PTPRN2: variants seen among roughly 807,000 people sequenced by gnomAD.
The protein encoded by PTPRN2 is protein tyrosine phosphatase receptor type N2.
Under a neutral mutation model 118.8 loss-of-function variants are expected in PTPRN2, and 74 were observed. The ratio of observed to expected loss-of-function variants is 0.62; its 90% CI spans 0.52 to 0.76. The LOEUF (loss-of-function observed/expected upper bound fraction) is 0.76. Ranked by LOEUF, PTPRN2 falls within the 30% of genes least tolerant of loss-of-function variation. The pLI is 0.00. For missense variants in PTPRN2, 1,481 were observed against 1,394.4 expected (o/e 1.06, Z -0.99); for synonymous variants, 641 against 608.0 (o/e 1.05, Z -0.80).
At chr7:158,135,670 C>T (rs901277608) in intron 8 of PTPRN2, among the ~76,000 whole-genome samples, 1 of 152,202 alleles carries the variant, frequency 6.6e-6, no homozygotes, top group African/African-American at 2.4e-5. Flanking sequence ...GTCTCCCCGA[C>T]TCCCTAAATT....
At chr7:158,408,918 C>A (rs934797770) in intron 2 of PTPRN2, among the ~76,000 whole-genome samples, 1 of 151,856 alleles carries the variant, frequency 6.6e-6, no homozygotes, top group East Asian at 1.9e-4. Context: ...AACTCTGTTA[C>A]CACAAACATG....
chr7:157,912,623 T>C (rs1026819438), intron 11 of PTPRN2, among the ~76,000 whole-genome samples: 4 of 152,228 alleles, frequency 2.6e-5, no homozygotes, highest in Admixed American at 1.3e-4. Context: ...GTTTTTTTCC[T>C]AAAAGATTTT....
At chr7:158,206,569 G>C (rs999873826) in intron 3 of PTPRN2, among the ~76,000 whole-genome samples, 4 of 152,096 alleles carry the variant, frequency 2.6e-5, no homozygotes, top group East Asian at 1.9e-4. Flanking sequence ...CTCGGGGAGG[G>C]GGGGAGAGAG....
chr7:158,443,271 C>T (rs1279812314), intron 2 of PTPRN2, among the ~76,000 whole-genome samples: 2 of 152,224 alleles, frequency 1.3e-5, no homozygotes, highest in Non-Finnish European at 2.9e-5. Context: ...TCCAGGGCAG[C>T]GCCAGGCATG....
Position 158,003,136 on chromosome 7 carries a change from C to T in PTPRN2, c.1723+78162G>A, listed in dbSNP as rs1014714842. On this transcript the variant is annotated intron_variant, in intron 11 of 22. Coordinates refer to ENST00000389418, the MANE Select transcript of PTPRN2 (RefSeq NM_002847.5). The surrounding 1 kb of genome is among the most constrained non-coding windows in gnomAD (Gnocchi z 5.0). ...GCCTCTAAAGAGGTAAAGGTAAGGC[C>T]GGGCGCGGTGGCTCACGCCTGTAAT... 3.3e-5 allele frequency among the ~76,000 whole-genome samples: 5 copies of T among 152,106 alleles called. No individual in the cohort carries two copies. The highest frequency in any genetic ancestry group is 1.9e-4 in the East Asian group (1 of 5,186).
intron 3 of PTPRN2, among the ~76,000 whole-genome samples, chr7:158,244,695 GTGTGTGTGGT>G (rs1446627780): frequency 2.4e-5 from 3 of 126,156 alleles, no homozygotes; most frequent in Non-Finnish European, 4.9e-5. Context: ...TAAGTTGTGA[GTGTGTGTGGT>G]TGTGAGTTGT....
chr7:158,296,732 CCT>C (rs1282386074), intron 3 of PTPRN2, among the ~76,000 whole-genome samples: 1 of 152,206 alleles, frequency 6.6e-6, no homozygotes, highest in African/African-American at 2.4e-5. Context: ...CATCGCACGC[CCT>C]GTGAGGGGAA....
At chr7:158,373,802 G>A (rs1810284523) in intron 2 of PTPRN2, among the ~76,000 whole-genome samples, 1 of 152,202 alleles carries the variant, frequency 6.6e-6, no homozygotes, top group Non-Finnish European at 1.5e-5. Context: ...CTGCAGGCCA[G>A]GAAAGGGAGA....
rs1270740023 is a variant in PTPRN2 at position 157,690,197 on chromosome 7, C to T, written c.1789-7260G>A. 2.0e-5 allele frequency among the ~76,000 whole-genome samples: 3 copies of T among 152,316 alleles called. No homozygotes were observed. In the South Asian group the frequency reaches 6.2e-4, roughly 32 times the overall value. On this transcript the variant is annotated intron_variant, in intron 12 of 22. Coordinates refer to ENST00000389418, the MANE Select transcript of PTPRN2 (RefSeq NM_002847.5). The surrounding 1 kb of genome is among the most constrained non-coding windows in gnomAD (Gnocchi z 7.1). Reference sequence around the variant, plus strand: ...CAGCTGCCAACCCTCCAAATCTGTGCGCTCAGAAGGAGCTGCCCTTTGCCC... The same window carrying T: ...CAGCTGCCAACCCTCCAAATCTGTGTGCTCAGAAGGAGCTGCCCTTTGCCC...
chr7:158,451,086 C>T (rs1390034785), intron 2 of PTPRN2, among the ~76,000 whole-genome samples: 1 of 152,242 alleles, frequency 6.6e-6, no homozygotes, highest in Admixed American at 6.5e-5. Context: ...GTCTTCATCA[C>T]TCCAATTTAA....
intron 12 of PTPRN2, among the ~76,000 whole-genome samples, chr7:157,853,718 C>T (rs543416119): frequency 4.2e-4 from 64 of 152,298 alleles, no homozygotes; most frequent in Non-Finnish European, 7.8e-4. Context: ...CCCCACTGCC[C>T]GTAGGTCTGA....
chr7:158,178,298 C>T (rs951034951), intron 5 of PTPRN2, among the ~76,000 whole-genome samples: 2 of 152,074 alleles, frequency 1.3e-5, no homozygotes, highest in South Asian at 2.1e-4. Flanking sequence ...CACCCATCAT[C>T]CAAGTAATGC....
At chr7:158,533,732 C>T (rs747699730) in intron 1 of PTPRN2, among the ~76,000 whole-genome samples, 16 of 152,202 alleles carry the variant, frequency 1.1e-4, no homozygotes, top group Admixed American at 2.0e-4. Flanking sequence ...GACATCCTTT[C>T]GCCACCACAC....
At chr7:157,942,282 A>T (rs951127741) in intron 11 of PTPRN2, among the ~76,000 whole-genome samples, 27 of 151,868 alleles carry the variant, frequency 1.8e-4, no homozygotes, top group African/African-American at 6.3e-4. Flanking sequence ...CAAAAGCAGC[A>T]CCTGGCCCCT....
intron 11 of PTPRN2, among the ~76,000 whole-genome samples, chr7:158,026,152 G>A (rs1166003614): frequency 6.6e-6 from 1 of 152,216 alleles, no homozygotes; most frequent in Non-Finnish European, 1.5e-5. Context: ...GGTGAGCTTC[G>A]CATGCTAATG....
intron 3 of PTPRN2, among the ~76,000 whole-genome samples, chr7:158,287,421 T>C (rs1464577030): frequency 6.6e-6 from 1 of 152,154 alleles, no homozygotes; most frequent in African/African-American, 2.4e-5. Flanking sequence ...GTTGTTTATT[T>C]GGATTCTTTC....
At chr7:158,338,566 G>A (rs1428957397) in intron 2 of PTPRN2, among the ~76,000 whole-genome samples, 8 of 115,364 alleles carry the variant, frequency 6.9e-5, no homozygotes, top group East Asian at 5.2e-4. Context: ...GACACCTGCA[G>A]ACGTCACTCA....
At chr7:157,848,989 G>A (rs1162465486) in intron 12 of PTPRN2, among the ~76,000 whole-genome samples, 1 of 152,186 alleles carries the variant, frequency 6.6e-6, no homozygotes, top group African/African-American at 2.4e-5. Flanking sequence ...GAGAGGACTG[G>A]CTCTGGTCCT....
At chr7:158,236,398 G>T (rs188580229) in intron 3 of PTPRN2, among the ~76,000 whole-genome samples, 1 of 152,038 alleles carries the variant, frequency 6.6e-6, no homozygotes, top group African/African-American at 2.4e-5. Context: ...TCTAGCCACC[G>T]TGCTCATTCA....
Sources: gnomAD v4.1 joint callset for allele counts (sites outside exome capture counted in the v4.1 genomes callset) on GRCh38, gnomAD v4.1.1 for gene constraint, Gnocchi (gnomAD v3.1) non-coding constraint, MANE v1.5 for transcripts, NCBI Gene and HGNC (gene_info 2026-07-23, HGNC 2026-07-21) for gene names.